The following OPCML variants were observed in gnomAD, a reference collection of about 807,000 sequenced individuals.
OPCML encodes opioid-binding protein/cell adhesion molecule.
OPCML carries 13 observed loss-of-function variants against 37.8 expected under a neutral mutation model. The ratio of observed to expected loss-of-function variants is 0.34; its 90% CI spans 0.22 to 0.55. OPCML has a LOEUF of 0.55. OPCML is among the 20% of genes least tolerant of loss of function. The pLI is 0.91. For synonymous variants in OPCML, 176 were observed against 168.8 expected (o/e 1.04, Z -0.33); for missense variants, 341 against 435.6 (o/e 0.78, Z 1.93).
Position 133,173,421 on chromosome 11 carries a change from A to G in OPCML, c.62-230411T>C, listed in dbSNP as rs1306521671. On this transcript the variant is annotated intron_variant, in intron 1 of 7. Coordinates refer to ENST00000524381, the MANE Select transcript of OPCML (RefSeq NM_001012393.5). The surrounding 1 kb of genome is among the most constrained non-coding windows in gnomAD (Gnocchi z 7.8). ...ATGTTGCACACTGTAAGAACTTAAA[A>G]GAATAATAAATCGAGTGAACAAATA... is the stretch of plus-strand genomic sequence containing the variant. Among the ~76,000 whole-genome samples, 1 of 152,232 alleles carries G rather than the reference A, an allele frequency of 6.6e-6. No homozygotes were observed.
intron 1 of OPCML, among the ~76,000 whole-genome samples, chr11:133,162,639 A>G (rs1172350284): frequency 6.6e-6 from 1 of 152,168 alleles, no homozygotes; most frequent in African/African-American, 2.4e-5. Flanking sequence ...GTTCATCATG[A>G]CAGTGTCCTC....
chr11:132,572,110 CTT>C (rs769748652), intron 3 of OPCML, among the ~76,000 whole-genome samples: 9 of 138,002 alleles, frequency 6.5e-5, no homozygotes, highest in Admixed American at 1.5e-4. Flanking sequence ...TTAAATCATG[CTT>C]TTTTTTTTTT....
chr11:132,980,739 C>T (rs1301042149), intron 1 of OPCML, among the ~76,000 whole-genome samples: 2 of 152,196 alleles, frequency 1.3e-5, no homozygotes, highest in Non-Finnish European at 1.5e-5. Context: ...GTAAATGGCA[C>T]AGCCTCAAAG....
At chr11:133,188,303 A>T (rs956875067) in intron 1 of OPCML, among the ~76,000 whole-genome samples, 6 of 152,082 alleles carry the variant, frequency 3.9e-5, no homozygotes, top group Non-Finnish European at 7.3e-5. Context: ...GGAAAGCTTC[A>T]CTTCACATCT....
chr11:132,901,867 T>C (rs976120105), intron 2 of OPCML, among the ~76,000 whole-genome samples: 2 of 151,902 alleles, frequency 1.3e-5, no homozygotes, highest in African/African-American at 4.8e-5. Flanking sequence ...TAAAAATATA[T>C]GTAAACTGAA....
At chr11:132,745,324 A>G (rs1291194202) in intron 2 of OPCML, among the ~76,000 whole-genome samples, 1 of 152,172 alleles carries the variant, frequency 6.6e-6, no homozygotes, top group Non-Finnish European at 1.5e-5. Flanking sequence ...AGTGGAGACA[A>G]ACTATAGTGT....
At chr11:132,790,304 A>T (rs867964390) in intron 2 of OPCML, among the ~76,000 whole-genome samples, 1 of 152,236 alleles carries the variant, frequency 6.6e-6, no homozygotes, top group Non-Finnish European at 1.5e-5. Flanking sequence ...ATAGCAAAGT[A>T]GCGTGGCTAG....
intron 1 of OPCML, among the ~76,000 whole-genome samples, chr11:133,484,194 G>T (rs1296122179): frequency 6.7e-6 from 1 of 150,280 alleles, no homozygotes; most frequent in African/African-American, 2.5e-5. Flanking sequence ...ATAGATAGAT[G>T]TAAGAGCCTA....
chr11:133,496,980 G>A (rs552442364), intron 1 of OPCML, among the ~76,000 whole-genome samples: 3 of 152,082 alleles, frequency 2.0e-5, no homozygotes, highest in Admixed American at 1.3e-4. Context: ...TCTTGTTCCC[G>A]TTCTCAGAGG....
intron 1 of OPCML, among the ~76,000 whole-genome samples, chr11:132,946,298 T>A (rs893039310): frequency 1.3e-5 from 2 of 152,218 alleles, no homozygotes; most frequent in Non-Finnish European, 2.9e-5. Context: ...GTGGCTGTTT[T>A]ACAATCACCT....
At chr11:132,469,955 G>A (rs1278684476) in intron 4 of OPCML, among the ~76,000 whole-genome samples, 4 of 150,368 alleles carry the variant, frequency 2.7e-5, no homozygotes, top group South Asian at 2.1e-4. Flanking sequence ...GTGTGTGTAC[G>A]TGTATGTGTG....
At chr11:133,515,122 A>G (rs1468603412) in intron 1 of OPCML, among the ~76,000 whole-genome samples, 1 of 152,238 alleles carries the variant, frequency 6.6e-6, no homozygotes, top group Non-Finnish European at 1.5e-5. Context: ...CTGAATTTCC[A>G]GGAAAACAGA....
chr11:133,221,919 T>C (rs546439708), intron 1 of OPCML, among the ~76,000 whole-genome samples: 11 of 152,282 alleles, frequency 7.2e-5, no homozygotes, highest in Admixed American at 2.0e-4. Context: ...TAATGTTCTC[T>C]TCTTCTGAAG....
intron 1 of OPCML, among the ~76,000 whole-genome samples, chr11:133,182,936 T>C (rs1032700414): frequency 1.3e-5 from 2 of 152,132 alleles, no homozygotes; most frequent in African/African-American, 4.8e-5. Context: ...TAATCTGTAG[T>C]TCTAACCTGA....
At chr11:132,574,492 A>T (rs1434785111) in intron 3 of OPCML, among the ~76,000 whole-genome samples, 2 of 151,692 alleles carry the variant, frequency 1.3e-5, no homozygotes, top group African/African-American at 4.8e-5. Context: ...GTATTACATA[A>T]TTTTTTAAAA....
chr11:132,572,214 C>A (rs1041523659), intron 3 of OPCML, among the ~76,000 whole-genome samples: 1 of 151,850 alleles, frequency 6.6e-6, no homozygotes, highest in Admixed American at 6.6e-5. Flanking sequence ...TCTCTCACTC[C>A]CTTGGTTGCC....
intron 1 of OPCML, among the ~76,000 whole-genome samples, chr11:133,383,646 C>G (rs1030217830): frequency 1.3e-5 from 2 of 152,108 alleles, no homozygotes; most frequent in Non-Finnish European, 2.9e-5. Flanking sequence ...GAATAACGTG[C>G]GTCTTCAGAG....
chr11:133,101,486 G>A (rs1479763316), intron 1 of OPCML, among the ~76,000 whole-genome samples: 2 of 152,128 alleles, frequency 1.3e-5, no homozygotes, highest in African/African-American at 4.8e-5. Flanking sequence ...ATCATCATAT[G>A]CCATTAGGAA....
intron 2 of OPCML, among the ~76,000 whole-genome samples, chr11:132,684,720 C>CA (rs1396704214): frequency 6.6e-6 from 1 of 152,088 alleles, no homozygotes; most frequent in African/African-American, 2.4e-5. Flanking sequence ...GAAAAATGGA[C>CA]AAAAATCTTT....
Sources: gnomAD v4.1 joint callset for allele counts (sites outside exome capture counted in the v4.1 genomes callset) on GRCh38, gnomAD v4.1.1 for gene constraint, Gnocchi (gnomAD v3.1) non-coding constraint, MANE v1.5 for transcripts, NCBI Gene and HGNC (gene_info 2026-07-23, HGNC 2026-07-21) for gene names.